The following NEXMIF variants were observed in gnomAD, a reference collection of about 807,000 sequenced individuals.
The protein encoded by NEXMIF is XLMR protein related to neurite extension.
Under a neutral mutation model 62.1 loss-of-function variants are expected in NEXMIF, and 8 were observed. That is an observed-to-expected ratio of 0.13 (90% confidence interval 0.08 to 0.23). NEXMIF has a LOEUF of 0.23. Ranked by LOEUF, NEXMIF falls within the 10% of genes least tolerant of loss-of-function variation. The pLI, the probability that NEXMIF is intolerant of heterozygous loss-of-function variation, is 1.00. For missense variants in NEXMIF, 976 were observed against 1,113.3 expected, an observed-to-expected ratio of 0.88 and a Z score of 1.75; for synonymous variants, 404 against 416.6, an observed-to-expected ratio of 0.97 and a Z score of 0.37.
chrX:74,763,479 A>G (rs1391059304), intron 1 of NEXMIF, among the ~76,000 whole-genome samples: 1 of 111,970 alleles, frequency 8.9e-6, no homozygotes, highest in Non-Finnish European at 1.9e-5. Flanking sequence ...TGAACTTTAA[A>G]GTAGTTGTTT....
At position 74,796,181 on chromosome X, in the gene NEXMIF, AC is replaced by A. The variant is rs763821345; in HGVS notation, c.-47-50485del. On this transcript the variant is annotated intron_variant, in intron 1 of 3. Coordinates refer to ENST00000055682, the MANE Select transcript of NEXMIF (RefSeq NM_001008537.3). ...TATATATTATATATATTATATATAT[AC>A]ATATATATTATATATATACATATAT... 7.7e-3 allele frequency among the ~76,000 whole-genome samples: 558 copies of A among 72,376 alleles called. 7 individuals carry two copies. Among genetic ancestry groups the A allele is most frequent in the African/African-American group, 0.023 (415 of 17,861 alleles). 62.8% of individuals were successfully genotyped at this position (72,376 alleles called of 115,157 possible). A position where few individuals can be genotyped will look rare whatever the true frequency, so the allele number is the denominator to read the frequency against.
intron 1 of NEXMIF, among the ~76,000 whole-genome samples, chrX:74,786,570 C>T (rs775180453): frequency 1.8e-5 from 2 of 111,132 alleles, no homozygotes; most frequent in Admixed American, 1.9e-4. Context: ...GACCATTCTC[C>T]CTCATTAAAA....
chrX:74,863,481 C>T lies in NEXMIF; in HGVS notation c.-48+61402G>A, dbSNP rs1602255112. ...AAATACAAAAAACCATCAGAGAATA[C>T]TATTTAATATAAACACCTCTATGCA... On this transcript the variant is annotated intron_variant, in intron 1 of 3. Transcript: ENST00000055682. Among the ~76,000 whole-genome samples, 5 of 111,726 alleles carry T rather than the reference C, an allele frequency of 4.5e-5. No individual in the cohort carries two copies. The Admixed American group carries it at 4.8e-4, about 11-fold the overall frequency.
At chrX:74,861,050 G>A (rs910003212) in intron 1 of NEXMIF, among the ~76,000 whole-genome samples, 1 of 111,801 alleles carries the variant, frequency 8.9e-6, no homozygotes, top group African/African-American at 3.2e-5. Context: ...CAAAATCGGA[G>A]CTAAAAAAGG....
chrX:74,821,114 C>A (rs1404495167), intron 1 of NEXMIF, among the ~76,000 whole-genome samples: 1 of 109,694 alleles, frequency 9.1e-6, no homozygotes, highest in Non-Finnish European at 1.9e-5. Context: ...AAAAAAAAAT[C>A]TCTCATACTT....
chrX:74,825,321 T>C (rs1288292606), intron 1 of NEXMIF, among the ~76,000 whole-genome samples: 1 of 111,486 alleles, frequency 9.0e-6, no homozygotes, highest in Non-Finnish European at 1.9e-5. Context: ...GTACAGTTTA[T>C]TTCATCACCC....
intron 1 of NEXMIF, among the ~76,000 whole-genome samples, chrX:74,871,078 C>T (rs1324741960): frequency 1.8e-5 from 2 of 112,057 alleles, no homozygotes; most frequent in Non-Finnish European, 3.8e-5. Flanking sequence ...ACCTGTCCAT[C>T]AATAGATGAA....
At chrX:74,797,021 C>T (rs1015587070) in intron 1 of NEXMIF, among the ~76,000 whole-genome samples, 1 of 111,958 alleles carries the variant, frequency 8.9e-6, no homozygotes. Context: ...TTATGTGCGC[C>T]TTGAAATAAT....
intron 1 of NEXMIF, among the ~76,000 whole-genome samples, chrX:74,868,336 T>C (rs989581608): frequency 2.7e-5 from 3 of 111,999 alleles, no homozygotes; most frequent in Non-Finnish European, 3.8e-5. Context: ...CATGTGTTAA[T>C]TGCAGCACTA....
In NEXMIF at chrX:74,919,429, T is replaced by C. The variant is rs151124909; in HGVS notation, c.-48+5454A>G. On this transcript the variant is annotated intron_variant, in intron 1 of 3. Coordinates refer to ENST00000055682, the MANE Select transcript of NEXMIF (RefSeq NM_001008537.3). ...TATAATCACCTCCCCAAATTGAGAA[T>C]CATGGTTTCTTTCAAAGGTGGCTTA... is the stretch of plus-strand genomic sequence containing the variant. 8.1e-3 allele frequency among the ~76,000 whole-genome samples: 898 copies of C among 111,266 alleles called. 5 individuals carry two copies. The highest frequency in any genetic ancestry group is 0.012 in the Admixed American group (122 of 10,487).
intron 1 of NEXMIF, among the ~76,000 whole-genome samples, chrX:74,840,513 C>T (rs904943393): frequency 8.9e-6 from 1 of 111,955 alleles, no homozygotes; most frequent in Non-Finnish European, 1.9e-5. Flanking sequence ...TCAATTTTTG[C>T]ATTTGTTGGA....
rs1363516259 is a variant in NEXMIF at position 74,741,168 on chromosome X, G to A, written c.3389C>T (p.Thr1130Ile). Residue 1130 changes from threonine (T) to isoleucine (I), a missense_variant, in exon 3 of 4, where the codon ACT becomes ATT. Coordinates refer to ENST00000055682, the MANE Select transcript of NEXMIF (RefSeq NM_001008537.3). ...GAACTGAAACTGGTGATTATTTAAAGTAAATCCATCCTCCATTTGGACCTG... is the reference window on the plus strand; with the variant it reads ...GAACTGAAACTGGTGATTATTTAAAATAAATCCATCCTCCATTTGGACCTG... Reference protein sequence around the residue: ...SRQVQMEDGFTLNNHQFQFHM... With the variant: ...SRQVQMEDGFILNNHQFQFHM... 8.3e-7 allele frequency: 1 copy of A among 1,209,004 alleles called. No homozygotes were observed.
intron 1 of NEXMIF, among the ~76,000 whole-genome samples, chrX:74,899,426 A>G (rs1170317801): frequency 8.9e-6 from 1 of 111,801 alleles, no homozygotes; most frequent in Non-Finnish European, 1.9e-5. Flanking sequence ...GTATTCCTAT[A>G]CACTAATAAT....
rs57925416 is a variant in NEXMIF, at chrX:74,747,642, CT to C, written c.-47-1946del. Among the ~76,000 whole-genome samples the C allele has an allele frequency of 7.5e-3, 742 of 99,206 alleles. 1 individual carries two copies. Among genetic ancestry groups the C allele is most frequent in the Non-Finnish European group, 0.01 (496 of 49,030 alleles). The allele number at this position is 99,206 out of a possible 115,157, so 86.1% of individuals were successfully genotyped here. A position where few individuals can be genotyped will look rare whatever the true frequency, so the allele number is the denominator to read the frequency against. On this transcript the variant is annotated intron_variant, in intron 1 of 3. Transcript: ENST00000055682. ...ATTTAAGTATCAACAATTATCCAAACTTTTTTTTTTTTTTTTGAGACAGAGT... is the reference window on the plus strand; with the variant it reads ...ATTTAAGTATCAACAATTATCCAAACTTTTTTTTTTTTTTTGAGACAGAGT...
intron 1 of NEXMIF, among the ~76,000 whole-genome samples, chrX:74,907,574 T>C (rs1211400589): frequency 9.0e-6 from 1 of 110,850 alleles, no homozygotes; most frequent in African/African-American, 3.3e-5. Context: ...AAGCCTCCAT[T>C]TCACAATTTG....
At chrX:74,904,630 T>C (rs1445843227) in intron 1 of NEXMIF, among the ~76,000 whole-genome samples, 2 of 111,780 alleles carry the variant, frequency 1.8e-5, no homozygotes, top group Non-Finnish European at 3.8e-5. Flanking sequence ...CTTACTCTTC[T>C]GTATTTCCCA....
Position 74,873,058 on chromosome X carries a change from T to C in NEXMIF, c.-48+51825A>G, listed in dbSNP as rs956142986. Among the ~76,000 whole-genome samples the C allele has an allele frequency of 2.7e-5, 3 of 110,182 alleles. No homozygotes were observed. The Admixed American group carries it at 2.9e-4, about 11-fold the overall frequency. ...AAAATGTGCAGGTTCATTACTTATG[T>C]ATACATGTGCCATGCTGGTGCGCTG... On this transcript the variant is annotated intron_variant, in intron 1 of 3. Transcript: ENST00000055682.
intron 1 of NEXMIF, among the ~76,000 whole-genome samples, chrX:74,888,126 C>G (rs1304116598): frequency 9.2e-6 from 1 of 108,779 alleles, no homozygotes; most frequent in Non-Finnish European, 1.9e-5. Context: ...ACATCACACA[C>G]CTGGGACTGT....
chrX:74,886,202 G>A (rs1358413997), intron 1 of NEXMIF, among the ~76,000 whole-genome samples: 19 of 111,672 alleles, frequency 1.7e-4, no homozygotes, highest in Admixed American at 1.4e-3. Flanking sequence ...ATACTGAATG[G>A]ACAAAAACTG....
Sources: gnomAD v4.1 joint callset for allele counts (sites outside exome capture counted in the v4.1 genomes callset) on GRCh38, gnomAD v4.1.1 for gene constraint, MANE v1.5 for transcripts, NCBI Gene and HGNC (gene_info 2026-07-23, HGNC 2026-07-21) for gene names.